DPP10: variants seen among roughly 807,000 people sequenced by gnomAD.
The protein encoded by DPP10 is dipeptidyl peptidase like 10.
Under a neutral mutation model 120.9 loss-of-function variants are expected in DPP10, and 33 were observed. That is an observed-to-expected ratio of 0.27 (90% confidence interval 0.21 to 0.37). The LOEUF (loss-of-function observed/expected upper bound fraction) is 0.37. Ranked by LOEUF, DPP10 falls within the 10% of genes least tolerant of loss-of-function variation. The pLI is 1.00. For missense variants in DPP10, 816 were observed against 942.8 expected, an observed-to-expected ratio of 0.87 and a Z score of 1.76; for synonymous variants, 337 against 326.1, an observed-to-expected ratio of 1.03 and a Z score of -0.36.
At chr2:115,758,371 A>G (rs113187586) in intron 11 of DPP10, among the ~76,000 whole-genome samples, 226 of 152,266 alleles carry the variant, frequency 1.5e-3, no homozygotes, top group African/African-American at 5.0e-3. Context: ...TTAAAACTTT[A>G]AATACACAAT....
chr2:115,280,593 C>G (rs1164231931), intron 1 of DPP10, among the ~76,000 whole-genome samples: 1 of 152,176 alleles, frequency 6.6e-6, no homozygotes, highest in Non-Finnish European at 1.5e-5. Flanking sequence ...AGCAAGATGT[C>G]ATATGTGTTG....
At chr2:114,488,762 C>T (rs376496105) in intron 1 of DPP10, among the ~76,000 whole-genome samples, 3 of 152,180 alleles carry the variant, frequency 2.0e-5, no homozygotes, top group East Asian at 3.8e-4. Flanking sequence ...GCCTCTGCAA[C>T]ATCCTTTTAA....
chr2:114,632,960 C>T (rs1480984632), intron 1 of DPP10, among the ~76,000 whole-genome samples: 1 of 152,056 alleles, frequency 6.6e-6, no homozygotes, highest in East Asian at 1.9e-4. Context: ...CTTGCTCTCT[C>T]ACTTATTCCA....
chr2:115,362,605 A>G (rs1341550024), intron 3 of DPP10, among the ~76,000 whole-genome samples: 4 of 152,216 alleles, frequency 2.6e-5, no homozygotes, highest in Non-Finnish European at 5.9e-5. Context: ...ATCATGTGAT[A>G]AAGATATATT....
intron 1 of DPP10, among the ~76,000 whole-genome samples, chr2:115,049,142 G>A (rs534505127): frequency 2.6e-5 from 4 of 151,804 alleles, no homozygotes. Flanking sequence ...TAGAGCACTG[G>A]TACAATAATG....
intron 8 of DPP10, among the ~76,000 whole-genome samples, chr2:115,733,951 G>C (rs2092971413): frequency 6.6e-6 from 1 of 152,186 alleles, no homozygotes; most frequent in African/African-American, 2.4e-5. Flanking sequence ...AACATTGGAA[G>C]TTTCAATCCA....
intron 5 of DPP10, among the ~76,000 whole-genome samples, chr2:115,619,536 A>C (rs2084791077): frequency 6.6e-6 from 1 of 152,084 alleles, no homozygotes; most frequent in South Asian, 2.1e-4. Context: ...TGAGAGTCCC[A>C]TTGTCAAGTA....
chr2:115,808,641 A>T (rs142371479), intron 19 of DPP10, among the ~76,000 whole-genome samples: 1 of 152,304 alleles, frequency 6.6e-6, no homozygotes, highest in African/African-American at 2.4e-5. Flanking sequence ...CCTGGGCTCA[A>T]CTCAGTTTGA....
intron 3 of DPP10, among the ~76,000 whole-genome samples, chr2:115,361,515 CCT>C (rs2064765644): frequency 6.6e-6 from 1 of 151,974 alleles, no homozygotes; most frequent in East Asian, 1.9e-4. Flanking sequence ...GAAAAACAGC[CCT>C]GTTTCCTGCA....
At chr2:114,699,559 GAGGAAAGAAACCTT>G (rs1337514071) in intron 1 of DPP10, among the ~76,000 whole-genome samples, 7 of 152,110 alleles carry the variant, frequency 4.6e-5, no homozygotes, top group Non-Finnish European at 8.8e-5. Flanking sequence ...ATCTAAGTAT[GAGGAAAGAAACCTT>G]AGCAGTCTTT....
intron 1 of DPP10, among the ~76,000 whole-genome samples, chr2:114,592,805 CT>C (rs1031465633): frequency 4.6e-5 from 7 of 152,238 alleles, no homozygotes; most frequent in Non-Finnish European, 8.8e-5. Flanking sequence ...AATATATACT[CT>C]CATCTACTAC....
intron 1 of DPP10, among the ~76,000 whole-genome samples, chr2:114,832,622 A>G (rs1410358398): frequency 6.6e-6 from 1 of 152,250 alleles, no homozygotes; most frequent in Non-Finnish European, 1.5e-5. Context: ...ATTCCATAAA[A>G]TAGTAAGAGC....
At chr2:114,879,060 C>T (rs927003036) in intron 1 of DPP10, among the ~76,000 whole-genome samples, 2 of 151,638 alleles carry the variant, frequency 1.3e-5, no homozygotes, top group African/African-American at 4.8e-5. Flanking sequence ...AGTTTTTCAT[C>T]TAGACTACTG....
At chr2:114,963,364 C>T (rs1698786055) in intron 1 of DPP10, among the ~76,000 whole-genome samples, 1 of 151,910 alleles carries the variant, frequency 6.6e-6, no homozygotes, top group Non-Finnish European at 1.5e-5. Flanking sequence ...TTATTCATAG[C>T]AGGGAAAGTC....
In DPP10 at chr2:115,762,640, G is replaced by A. The variant is rs753474731; in HGVS notation, c.1113+30G>A. On this transcript the variant is annotated intron_variant, in intron 12 of 25. Transcript: ENST00000410059. ...AGTATAGGTGGTCTGTCACATCTTG[G>A]CCATTGTGACCATCCTGTTCACCCA... 3 of 1,611,386 alleles carry A rather than the reference G, an allele frequency of 1.9e-6. No homozygotes were observed. In the East Asian group the frequency reaches 6.7e-5, roughly 36 times the overall value.
intron 5 of DPP10, among the ~76,000 whole-genome samples, chr2:115,543,158 C>CATT (rs1332549196): frequency 1.3e-5 from 2 of 151,950 alleles, no homozygotes; most frequent in Non-Finnish European, 2.9e-5. Flanking sequence ...AATCAGAGGA[C>CATT]ATTGCATCAC....
At chr2:115,191,434 C>T (rs2054871860) in intron 1 of DPP10, among the ~76,000 whole-genome samples, 1 of 152,208 alleles carries the variant, frequency 6.6e-6, no homozygotes. Flanking sequence ...AGTTGCCTCT[C>T]ACCTGGCAAA....
intron 1 of DPP10, among the ~76,000 whole-genome samples, chr2:114,626,148 A>T (rs1187818454): frequency 6.6e-6 from 1 of 151,540 alleles, no homozygotes; most frequent in Non-Finnish European, 1.5e-5. Context: ...CATAAATGTG[A>T]TTACTCATTT....
At chr2:115,496,838 A>G (rs1254792106) in intron 3 of DPP10, among the ~76,000 whole-genome samples, 4 of 152,242 alleles carry the variant, frequency 2.6e-5, no homozygotes, top group Middle Eastern at 3.4e-3. Context: ...TTATTACTCA[A>G]TGAGTTTCCC....
Sources: allele counts gnomAD v4.1 joint callset (sites outside exome capture counted in the v4.1 genomes callset), GRCh38; gene constraint gnomAD v4.1.1; transcripts MANE v1.5; gene names NCBI Gene and HGNC (gene_info 2026-07-23, HGNC 2026-07-21).